Variants in EPB41L5 observed in about 807,000 individuals in gnomAD.
EPB41L5 encodes erythrocyte membrane protein band 4.1 like 5.
A neutral mutation model predicts 106.6 loss-of-function variants in EPB41L5; 55 were observed. The ratio of observed to expected loss-of-function variants is 0.52; its 90% CI spans 0.42 to 0.65. EPB41L5 has a LOEUF of 0.65. EPB41L5 is among the 30% of genes least tolerant of loss of function. The pLI is 0.00. For synonymous variants in EPB41L5, 297 were observed against 306.7 expected (o/e 0.97, Z 0.33); for missense variants, 871 against 882.1 (o/e 0.99, Z 0.16).
At chr2:120,165,601 C>CGG (rs1216594373) in intron 22 of EPB41L5, among the ~76,000 whole-genome samples, 1 of 152,112 alleles carries the variant, frequency 6.6e-6, no homozygotes, top group Non-Finnish European at 1.5e-5. Context: ...TTGTTGAATC[C>CGG]ACAGATGCAC....
intron 2 of EPB41L5, among the ~76,000 whole-genome samples, chr2:120,039,807 A>G (rs997852168): frequency 3.3e-5 from 5 of 151,414 alleles, no homozygotes; most frequent in African/African-American, 1.2e-4. Context: ...TCTGGGCAAC[A>G]AGAGTGAAAC....
intron 16 of EPB41L5, chr2:120,104,324 A>G (rs1370493417): frequency 6.9e-7 from 1 of 1,442,282 alleles, no homozygotes; most frequent in Non-Finnish European, 9.1e-7. Flanking sequence ...GATTAATCAC[A>G]TTAGGAGTAT....
intron 10 of EPB41L5, among the ~76,000 whole-genome samples, chr2:120,081,873 T>G (rs1349591754): frequency 6.6e-6 from 1 of 152,210 alleles, no homozygotes; most frequent in African/African-American, 2.4e-5. Context: ...TTGAAGCAAT[T>G]GTGAATGGGA....
chr2:120,050,158 C>T (rs542379676), intron 3 of EPB41L5, among the ~76,000 whole-genome samples: 20 of 152,056 alleles, frequency 1.3e-4, no homozygotes, highest in East Asian at 7.7e-4. Context: ...TTGCTCTTCT[C>T]GAGGAGTATC....
intron 14 of EPB41L5, among the ~76,000 whole-genome samples, chr2:120,094,119 TG>T (rs1417993986): frequency 1.3e-5 from 2 of 152,272 alleles, no homozygotes; most frequent in East Asian, 3.9e-4. Context: ...CCCAAGTAGC[TG>T]GGACTACAGG....
intron 14 of EPB41L5, among the ~76,000 whole-genome samples, chr2:120,099,631 G>T (rs1284286942): frequency 6.6e-6 from 1 of 152,084 alleles, no homozygotes; most frequent in African/African-American, 2.4e-5. Context: ...GTTTCACCGT[G>T]TTAGCCAGGA....
intron 4 of EPB41L5, among the ~76,000 whole-genome samples, chr2:120,073,520 C>G (rs1320638988): frequency 6.6e-6 from 1 of 152,084 alleles, no homozygotes; most frequent in Non-Finnish European, 1.5e-5. Flanking sequence ...TTGGAATTTT[C>G]CTGTTTGGCA....
At chr2:120,118,330 A>AATTT (rs1236755767) in intron 16 of EPB41L5, among the ~76,000 whole-genome samples, 2 of 152,026 alleles carry the variant, frequency 1.3e-5, no homozygotes, top group East Asian at 1.9e-4. Flanking sequence ...CTCAGACCTA[A>AATTT]ATTTATTTAT....
At chr2:120,149,161 A>G (rs1035229982) in intron 20 of EPB41L5, among the ~76,000 whole-genome samples, 2 of 151,784 alleles carry the variant, frequency 1.3e-5, no homozygotes, top group Non-Finnish European at 2.9e-5. Flanking sequence ...AGAAATGTCT[A>G]TTCAGATCAT....
chr2:120,075,289 T>G (rs563184328), intron 5 of EPB41L5, among the ~76,000 whole-genome samples, 187 bp from the exon 6 acceptor site: 2 of 152,336 alleles, frequency 1.3e-5, no homozygotes, highest in East Asian at 3.9e-4. Context: ...CCACGTATAC[T>G]GACTTGATCC....
At position 120,023,757 on chromosome 2, in the gene EPB41L5, A is replaced by G. The variant is rs976132831; in HGVS notation, c.180+4493A>G. 2.0e-5 allele frequency among the ~76,000 whole-genome samples: 3 copies of G among 152,216 alleles called. No homozygotes were observed. The South Asian group carries it at 6.2e-4, about 31-fold the overall frequency. ...GCTTGATGGGGATAGCATTGAATGT[A>G]TAAATTACTGTGGGCAGTATGGCCA... On this transcript the variant is annotated intron_variant, in intron 2 of 24. Coordinates refer to ENST00000263713, the MANE Select transcript of EPB41L5 (RefSeq NM_020909.4).
At chr2:120,017,769 TA>T (rs1677621219) in intron 1 of EPB41L5, among the ~76,000 whole-genome samples, 3 of 152,302 alleles carry the variant, frequency 2.0e-5, no homozygotes, top group African/African-American at 7.2e-5. Flanking sequence ...TTTGTGTTTT[TA>T]TTATGAATGC....
At chr2:120,085,193 G>A (rs774875053) in intron 10 of EPB41L5, among the ~76,000 whole-genome samples, 2 of 152,172 alleles carry the variant, frequency 1.3e-5, no homozygotes, top group Admixed American at 6.5e-5. Flanking sequence ...GAGGGGAGAG[G>A]CGCTCTGATT....
chr2:120,168,819 A>T (rs1349026300), intron 24 of EPB41L5, among the ~76,000 whole-genome samples: 1 of 152,238 alleles, frequency 6.6e-6, no homozygotes, highest in African/African-American at 2.4e-5. Context: ...CCAGGCATTG[A>T]CTGATATCTG....
rs1340336287 is a variant in EPB41L5, at chr2:120,178,191, CCT to C, written c.*3285_*3286del. 1 of 152,370 alleles carries C rather than the reference CCT, an allele frequency of 6.6e-6. No individual in the cohort carries two copies. Among genetic ancestry groups the C allele is most frequent in the East Asian group, 1.9e-4 (1 of 5,200 alleles). 9.4% of individuals were successfully genotyped at this position (152,370 alleles called of 1,614,324 possible). A position where few individuals can be genotyped will look rare whatever the true frequency, so the allele number is the denominator to read the frequency against. ...AGTCCCCTTTACAAAGCCGCTGACC[CCT>C]GATGTGAAACTTTGTAGAGCAGCAG... On this transcript the variant is annotated 3_prime_UTR_variant, in exon 25 of 25. Coordinates refer to ENST00000263713, the MANE Select transcript of EPB41L5 (RefSeq NM_020909.4).
At chr2:120,094,150 C>T (rs1424888723) in intron 14 of EPB41L5, among the ~76,000 whole-genome samples, 1 of 152,006 alleles carries the variant, frequency 6.6e-6, no homozygotes, top group Non-Finnish European at 1.5e-5. Flanking sequence ...TCATGCATGG[C>T]TAATTTTTAA....
Position 120,174,901 on chromosome 2 carries a change from G to A in EPB41L5, c.2196G>A (p.Glu732=), listed in dbSNP as rs1213494986. 4 of 1,613,968 alleles carry A rather than the reference G, an allele frequency of 2.5e-6. No individual in the cohort carries two copies. The African/African-American group carries it at 4.0e-5, about 16-fold the overall frequency. Residue 732 remains glutamate (E), a synonymous_variant, in exon 25 of 25, where the codon GAG becomes GAA. Coordinates refer to ENST00000263713, the MANE Select transcript of EPB41L5 (RefSeq NM_020909.4). ...VLKQKCLLTT[E]L is the part of the protein sequence containing the mutation. ...AGCAGAAGTGTTTACTGACCACTGA[G>A]CTCTGAGGGCCTGTAGCTGGAATAC...
chr2:120,061,912 C>G (rs1681108768), intron 3 of EPB41L5, among the ~76,000 whole-genome samples: 1 of 152,082 alleles, frequency 6.6e-6, no homozygotes, highest in Non-Finnish European at 1.5e-5. Context: ...CATGGGTAGA[C>G]AGATGGTCCA....
In EPB41L5 at chr2:120,164,736, C is replaced by G. The variant is rs1374461250; in HGVS notation, c.1888-100C>G. ...GTGTATTTAAAGGATTAACACTAATCAGGCCTGTGTCAGAATTATAAATTG... is the reference window on the plus strand; with the variant it reads ...GTGTATTTAAAGGATTAACACTAATGAGGCCTGTGTCAGAATTATAAATTG... On this transcript the variant is annotated intron_variant, in intron 21 of 24. Coordinates refer to ENST00000263713, the MANE Select transcript of EPB41L5 (RefSeq NM_020909.4). 8 of 740,666 alleles carry G rather than the reference C, an allele frequency of 1.1e-5. No homozygotes were observed. The East Asian group carries it at 2.1e-4, about 19-fold the overall frequency. 45.9% of individuals were successfully genotyped at this position (740,666 alleles called of 1,614,324 possible).
Sources: allele counts gnomAD v4.1 joint callset (sites outside exome capture counted in the v4.1 genomes callset), GRCh38; gene constraint gnomAD v4.1.1; transcripts MANE v1.5; gene names NCBI Gene and HGNC (gene_info 2026-07-23, HGNC 2026-07-21).